The following PAPSS1 variants were observed in gnomAD, a reference collection of about 807,000 sequenced individuals.
The protein encoded by PAPSS1 is bifunctional 3'-phosphoadenosine 5'-phosphosulfate synthase 1.
Under a neutral mutation model 72.0 loss-of-function variants are expected in PAPSS1, and 50 were observed. That is an observed-to-expected ratio of 0.69 (90% CI 0.55 to 0.88). The LOEUF is 0.88. Ranked by LOEUF, PAPSS1 falls within the 40% of genes least tolerant of loss-of-function variation. The pLI, the probability that PAPSS1 is intolerant of heterozygous loss-of-function variation, is 0.00. For missense variants in PAPSS1, 657 were observed against 782.2 expected (o/e 0.84, Z 1.91); for synonymous variants, 261 against 263.6 (o/e 0.99, Z 0.09).
intron 11 of PAPSS1, among the ~76,000 whole-genome samples, chr4:107,628,506 G>T (rs1726153553): frequency 6.6e-6 from 1 of 152,176 alleles, no homozygotes; most frequent in South Asian, 2.1e-4. Flanking sequence ...CATGGGAAAG[G>T]ATGGCAGCTT....
intron 9 of PAPSS1, among the ~76,000 whole-genome samples, chr4:107,653,056 T>C (rs962904427): frequency 1.3e-5 from 2 of 150,596 alleles, no homozygotes; most frequent in African/African-American, 4.9e-5. Flanking sequence ...TTCATATATA[T>C]ATGAATATAT....
Position 107,711,558 on chromosome 4 carries a change from T to C in PAPSS1, c.60+8562A>G, listed in dbSNP as rs141160005. On this transcript the variant is annotated intron_variant, in intron 1 of 11. Coordinates refer to ENST00000265174, the MANE Select transcript of PAPSS1 (RefSeq NM_005443.5). ...AGCATATACCAAATACTAAGCATAA[T>C]TGTGGACTTCAACATCTTTCATCCA... Among the ~76,000 whole-genome samples the C allele has an allele frequency of 3.6e-3, 554 of 152,348 alleles. 3 individuals are homozygous for C. Among genetic ancestry groups the C allele is most frequent in the Middle Eastern group, 6.8e-3 (2 of 294 alleles).
chr4:107,626,038 C>T (rs973896982), intron 11 of PAPSS1, among the ~76,000 whole-genome samples: 5 of 151,734 alleles, frequency 3.3e-5, no homozygotes, highest in Admixed American at 1.3e-4. Context: ...AATAGCCGGG[C>T]GCGGTGGCAG....
chr4:107,665,442 C>T (rs988686982), intron 5 of PAPSS1, among the ~76,000 whole-genome samples: 19 of 152,280 alleles, frequency 1.2e-4, no homozygotes, highest in African/African-American at 4.6e-4. Flanking sequence ...AAACAACGTG[C>T]TCTTCTTCAA....
intron 3 of PAPSS1, among the ~76,000 whole-genome samples, chr4:107,689,023 T>C (rs1722854753): frequency 6.6e-6 from 1 of 152,178 alleles, no homozygotes; most frequent in African/African-American, 2.4e-5. Flanking sequence ...CTTCTAAATA[T>C]TACACCAACC....
intron 9 of PAPSS1, among the ~76,000 whole-genome samples, chr4:107,646,868 C>T (rs1158933437): frequency 6.6e-6 from 1 of 152,214 alleles, no homozygotes; most frequent in Non-Finnish European, 1.5e-5. Context: ...TTCACCATTA[C>T]CTACCTCAGA....
intron 5 of PAPSS1, among the ~76,000 whole-genome samples, chr4:107,666,515 G>A (rs1315253431): frequency 6.6e-6 from 1 of 152,086 alleles, no homozygotes; most frequent in Non-Finnish European, 1.5e-5. Context: ...ATATTACATA[G>A]CCACAGTGAA....
intron 4 of PAPSS1, among the ~76,000 whole-genome samples, chr4:107,686,151 G>A (rs1038755888): frequency 6.6e-6 from 1 of 152,134 alleles, no homozygotes; most frequent in Non-Finnish European, 1.5e-5. Context: ...ATGTCTAAAT[G>A]TCCATCACAG....
chr4:107,701,548 T>TA (rs548307743), intron 1 of PAPSS1, among the ~76,000 whole-genome samples: 6 of 152,254 alleles, frequency 3.9e-5, no homozygotes, highest in Non-Finnish European at 8.8e-5. Flanking sequence ...TGAAAAATGG[T>TA]AAATAACTTG....
chr4:107,707,975 A>AC (rs1723382555), intron 1 of PAPSS1, among the ~76,000 whole-genome samples: 1 of 152,176 alleles, frequency 6.6e-6, no homozygotes, highest in Non-Finnish European at 1.5e-5. Context: ...TCTCCCACAC[A>AC]TCTGAATCTT....
intron 4 of PAPSS1, among the ~76,000 whole-genome samples, chr4:107,683,163 G>A (rs540749502): frequency 1.2e-4 from 18 of 152,100 alleles, no homozygotes; most frequent in Non-Finnish European, 2.4e-4. Flanking sequence ...TGGTATGCAT[G>A]AATTTAAAAT....
intron 5 of PAPSS1, among the ~76,000 whole-genome samples, chr4:107,672,001 A>G (rs141975328): frequency 6.6e-6 from 1 of 152,342 alleles, no homozygotes; most frequent in Non-Finnish European, 1.5e-5. Flanking sequence ...GATTCAGTAT[A>G]CAAAAAACTC....
intron 2 of PAPSS1, among the ~76,000 whole-genome samples, chr4:107,698,726 A>C (rs1248219509): frequency 1.3e-5 from 2 of 152,026 alleles, no homozygotes; most frequent in Non-Finnish European, 2.9e-5. Flanking sequence ...TTTCAAAGGA[A>C]CCTCGTTATA....
At chr4:107,661,645 TA>T (rs1004289783) in intron 5 of PAPSS1, among the ~76,000 whole-genome samples, 1 of 151,842 alleles carries the variant, frequency 6.6e-6, no homozygotes, top group African/African-American at 2.4e-5. Context: ...GAAACTTCTC[TA>T]AAAAAAAGTC....
chr4:107,663,794 T>C (rs1413141136), intron 5 of PAPSS1, among the ~76,000 whole-genome samples: 1 of 152,210 alleles, frequency 6.6e-6, no homozygotes, highest in African/African-American at 2.4e-5. Context: ...TCCCATTTCA[T>C]AGATGAGCGA....
chr4:107,617,369 A>G (rs927246436), intron 11 of PAPSS1, among the ~76,000 whole-genome samples: 1 of 152,000 alleles, frequency 6.6e-6, no homozygotes, highest in African/African-American at 2.4e-5. Flanking sequence ...TGGCCTTTCC[A>G]ACTTCCCAGT....
intron 5 of PAPSS1, among the ~76,000 whole-genome samples, chr4:107,676,554 A>T (rs1422530919): frequency 1.3e-5 from 2 of 152,232 alleles, no homozygotes; most frequent in African/African-American, 4.8e-5. Context: ...CAAATGGAAG[A>T]ACATTCCATG....
At chr4:107,649,241 G>C (rs58181839) in intron 9 of PAPSS1, among the ~76,000 whole-genome samples, 1 of 152,154 alleles carries the variant, frequency 6.6e-6, no homozygotes. Context: ...AAAAGTTTTC[G>C]GGGAGCTCTT....
At chr4:107,675,589 A>G (rs1225858792) in intron 5 of PAPSS1, among the ~76,000 whole-genome samples, 1 of 152,216 alleles carries the variant, frequency 6.6e-6, no homozygotes, top group East Asian at 1.9e-4. Flanking sequence ...ATTCACAGCC[A>G]AATTCTACCA....
Sources: allele counts gnomAD v4.1 joint callset (sites outside exome capture counted in the v4.1 genomes callset), GRCh38; gene constraint gnomAD v4.1.1; transcripts MANE v1.5; gene names NCBI Gene and HGNC (gene_info 2026-07-23, HGNC 2026-07-21).